Variants in SLC46A3 observed in about 807,000 individuals in gnomAD.
SLC46A3 encodes lysosomal proton-coupled steroid conjugate and bile acid symporter SLC46A3.
Under a neutral mutation model 38.5 loss-of-function variants are expected in SLC46A3, and 26 were observed. The observed-to-expected ratio is 0.68, with a 90% CI of 0.49 to 0.94. The LOEUF is 0.94. Among genes scored for constraint, SLC46A3 ranks in the 40% least tolerant of loss-of-function variants. The probability of loss-of-function intolerance (pLI) is 0.00; values close to 1 mark genes in which losing one functional copy is unlikely to be tolerated. For missense variants in SLC46A3, 510 were observed against 544.3 expected (o/e 0.94, Z 0.63); for synonymous variants, 185 against 192.5 (o/e 0.96, Z 0.32).
At position 28,713,206 on chromosome 13, in the gene SLC46A3, A is replaced by G; in HGVS notation, c.534T>C (p.Leu178=). 1 of 1,614,166 alleles carries G rather than the reference A, an allele frequency of 6.2e-7. No individual in the cohort carries two copies. Among genetic ancestry groups the G allele is most frequent in the East Asian group, 2.2e-5 (1 of 44,884 alleles). Residue 178 remains leucine (L), a synonymous_variant, in exon 3 of 6, where the codon CTT becomes CTC. Coordinates refer to ENST00000266943, the MANE Select transcript of SLC46A3 (RefSeq NM_181785.4). Reference sequence around the variant, plus strand: ...ATGACAGTCCTGTTAGTCCAGTAACAAGTCCAAGTAGAAAGTCAATGATAG... The same window carrying G: ...ATGACAGTCCTGTTAGTCCAGTAACGAGTCCAAGTAGAAAGTCAATGATAG... ...RIAIIDFLLG[L]VTGLTGLSSG...
chr13:28,712,730 G>A lies in SLC46A3; in HGVS notation c.1010C>T (p.Thr337Ile). The A allele has an allele frequency of 6.2e-7, 1 of 1,609,192 alleles. No individual in the cohort carries two copies. Among genetic ancestry groups the A allele is most frequent in the Non-Finnish European group, 8.5e-7 (1 of 1,178,876 alleles). ...GGCAAACGCGGTCATAGCCATTCCT[G>A]TCATCGTGGTAAAAATCCCAATGAA... ...MAFIGIFTTM[T>I]GMAMTAFAST... is the part of the protein sequence containing the mutation. Residue 337 changes from threonine (T) to isoleucine (I), a missense_variant, in exon 3 of 6, where the codon ACA becomes ATA. Coordinates refer to ENST00000266943, the MANE Select transcript of SLC46A3 (RefSeq NM_181785.4).
intron 2 of SLC46A3, among the ~76,000 whole-genome samples, chr13:28,715,454 C>G (rs1593191508): frequency 6.6e-6 from 1 of 152,244 alleles, no homozygotes; most frequent in East Asian, 1.9e-4. Flanking sequence ...GAGCAGCAGA[C>G]TTTCCCAGAC....
At position 28,716,608 on chromosome 13, in the gene SLC46A3, TTATGACCTTACTC is replaced by T. The variant is rs1885536407; in HGVS notation, c.189+1189_189+1201del. Among the ~76,000 whole-genome samples the T allele has an allele frequency of 4.6e-5, 7 of 152,252 alleles. 1 individual carries two copies. The South Asian group carries it at 1.5e-3, about 32-fold the overall frequency. ...GGGTGAGACTCAGGGCCCTTTTTTT[TTATGACCTTACTC>T]TACGCCAGAACCTTGATGTCTTCCA... On this transcript the variant is annotated intron_variant, in intron 2 of 5. Coordinates refer to ENST00000266943, the MANE Select transcript of SLC46A3 (RefSeq NM_181785.4).
intron 5 of SLC46A3, among the ~76,000 whole-genome samples, chr13:28,702,231 T>A (rs990341964): frequency 3.3e-5 from 5 of 152,146 alleles, no homozygotes; most frequent in African/African-American, 1.2e-4. Flanking sequence ...GCAGTCCTCC[T>A]GCCTCAACCT....
chr13:28,712,245 A>G (rs986926933), intron 3 of SLC46A3, among the ~76,000 whole-genome samples: 1 of 152,258 alleles, frequency 6.6e-6, no homozygotes, highest in Non-Finnish European at 1.5e-5. Flanking sequence ...ATCAATTTGC[A>G]AAACCTGTCT....
chr13:28,701,512 A>C lies in SLC46A3; in HGVS notation c.1371T>G (p.Asp457Glu). The C allele has an allele frequency of 6.2e-7, 1 of 1,613,344 alleles. No homozygotes were observed. Among genetic ancestry groups the C allele is most frequent in the East Asian group, 2.2e-5 (1 of 44,852 alleles). The change falls in exon 6 of 6, where the codon GAT becomes GAG. Residue 457 changes from aspartate to glutamate, a missense_variant. Coordinates refer to ENST00000266943, the MANE Select transcript of SLC46A3 (RefSeq NM_181785.4). ...ELLIQEESSEDASDR is the reference protein window; with the variant it reads ...ELLIQEESSEEASDR ...TAAATCACAGTCACCTGTCTGAAGCATCTTCACTGGATTCTTCTTGTATAA... is the reference window on the plus strand; with the variant it reads ...TAAATCACAGTCACCTGTCTGAAGCCTCTTCACTGGATTCTTCTTGTATAA...
chr13:28,704,189 T>G, intron 4 of SLC46A3, 90 bp from the exon 5 acceptor site: 1 of 1,221,774 alleles, frequency 8.2e-7, no homozygotes, highest in Non-Finnish European at 1.1e-6. Flanking sequence ...CTGTTACTCA[T>G]TGAAAACAGT....
rs1420223536 is a variant in SLC46A3, at chr13:28,712,704, T to C, written c.1036A>G (p.Ser346Gly). The C allele has an allele frequency of 1.2e-5, 20 of 1,600,320 alleles. No individual in the cohort carries two copies. The highest frequency in any genetic ancestry group is 2.7e-5 in the African/African-American group (2 of 73,800). ...MTGMAMTAFA[S>G]TTLMMFLARV... ...CCTAAAAACATCATCAGTGTTGTAC[T>C]GGCAAACGCGGTCATAGCCATTCCT... is the stretch of plus-strand genomic sequence containing the variant. The change falls in exon 3 of 6, where the codon AGT becomes GGT. Residue 346 changes from serine to glycine, a missense_variant. Transcript: ENST00000266943.
At position 28,701,361 on chromosome 13, in the gene SLC46A3, CTGTT is replaced by C. The variant is rs549851809; in HGVS notation, c.*132_*135del. 592 of 1,452,056 alleles carry C rather than the reference CTGTT, an allele frequency of 4.1e-4. 5 individuals are homozygous for C. The African/African-American group carries it at 7.8e-3, about 19-fold the overall frequency. 89.9% of individuals were successfully genotyped at this position (1,452,056 alleles called of 1,614,324 possible). A position where few individuals can be genotyped will look rare whatever the true frequency, so the allele number is the denominator to read the frequency against. ...CTAAAGCCAGGAGCTGTCTCTCTGA[CTGTT>C]CAGTTTAGAAGAAAAGATAGGTAAA... On this transcript the variant is annotated 3_prime_UTR_variant, in exon 6 of 6. Transcript: ENST00000266943.
In SLC46A3 at chr13:28,701,036, G is replaced by C; in HGVS notation, c.*461C>G. On this transcript the variant is annotated 3_prime_UTR_variant, in exon 6 of 6. Transcript: ENST00000266943. ...TATCATTATTTTCCTACCAATGAGTGATTCATCATAATTTTCATTATGCCT... is the reference window on the plus strand; with the variant it reads ...TATCATTATTTTCCTACCAATGAGTCATTCATCATAATTTTCATTATGCCT... 6.6e-7 allele frequency: 1 copy of C among 1,514,322 alleles called. No individual in the cohort carries two copies. The allele number at this position is 1,514,322 out of a possible 1,614,324, so 93.8% of individuals were successfully genotyped here. A position where few individuals can be genotyped will look rare whatever the true frequency, so the allele number is the denominator to read the frequency against.
chr13:28,717,741 T>A, intron 2 of SLC46A3, 69 bp downstream of exon 2: 1 of 1,467,900 alleles, frequency 6.8e-7, no homozygotes, highest in South Asian at 1.3e-5. Context: ...GAGTTCACGG[T>A]CCTCTTTAAC....
At position 28,700,617 on chromosome 13, in the gene SLC46A3, G is replaced by A. The variant is rs960737476; in HGVS notation, c.*880C>T. On this transcript the variant is annotated 3_prime_UTR_variant, in exon 6 of 6. Coordinates refer to ENST00000266943, the MANE Select transcript of SLC46A3 (RefSeq NM_181785.4). ...AGACTAGAGGCAGAATTCTCAGCCA[G>A]GGATCATGGAATGTGAATATCCTTT... The A allele has an allele frequency of 8.6e-6, 2 of 232,686 alleles. No individual in the cohort carries two copies. The highest frequency in any genetic ancestry group is 1.7e-5 in the Non-Finnish European group (2 of 119,840). 14.4% of individuals were successfully genotyped at this position (232,686 alleles called of 1,614,324 possible). A position where few individuals can be genotyped will look rare whatever the true frequency, so the allele number is the denominator to read the frequency against.
At position 28,701,210 on chromosome 13, in the gene SLC46A3, C is replaced by T. The variant is rs1255003931; in HGVS notation, c.*287G>A. 1.4e-6 allele frequency: 2 copies of T among 1,396,830 alleles called. No individual in the cohort carries two copies. The highest frequency in any genetic ancestry group is 1.8e-5 in the South Asian group (1 of 57,066). 86.5% of individuals were successfully genotyped at this position (1,396,830 alleles called of 1,614,324 possible). A position where few individuals can be genotyped will look rare whatever the true frequency, so the allele number is the denominator to read the frequency against. On this transcript the variant is annotated 3_prime_UTR_variant, in exon 6 of 6. Coordinates refer to ENST00000266943, the MANE Select transcript of SLC46A3 (RefSeq NM_181785.4). ...TATCAAGTTTCTTGATCCCTCCTTA[C>T]ACCCTTAAGTTTTAATGTTTCTCTT...
At chr13:28,702,852 A>G (rs952646697) in intron 5 of SLC46A3, among the ~76,000 whole-genome samples, 1 of 152,140 alleles carries the variant, frequency 6.6e-6, no homozygotes, top group African/African-American at 2.4e-5. Context: ...CCTAACTCAG[A>G]GCCTTACCCC....
At chr13:28,703,555 A>G (rs1245949140) in intron 5 of SLC46A3, 2 of 152,626 alleles carry the variant, frequency 1.3e-5, no homozygotes, top group African/African-American at 2.4e-5. Context: ...TTTTAATGAG[A>G]TGGGGGTCTT....
intron 3 of SLC46A3, among the ~76,000 whole-genome samples, chr13:28,711,247 A>G (rs1885332698): frequency 6.6e-6 from 1 of 152,068 alleles, no homozygotes; most frequent in Non-Finnish European, 1.5e-5. Context: ...CAACATGGAG[A>G]AATCCTGTCT....
intron 3 of SLC46A3, among the ~76,000 whole-genome samples, chr13:28,712,069 G>C (rs984838244): frequency 3.9e-5 from 6 of 152,140 alleles, no homozygotes; most frequent in Non-Finnish European, 5.9e-5. Context: ...GAGTAAATTG[G>C]ACCTTTCCCA....
chr13:28,715,222 G>A (rs1885493949), intron 2 of SLC46A3, among the ~76,000 whole-genome samples: 1 of 152,210 alleles, frequency 6.6e-6, no homozygotes, highest in Admixed American at 6.5e-5. Flanking sequence ...ATCTAGAGTA[G>A]TAGGTTCTCT....
At position 28,718,001 on chromosome 13, in the gene SLC46A3, T is replaced by C. The variant is rs1390536816; in HGVS notation, c.-3A>G. The C allele has an allele frequency of 9.3e-6, 15 of 1,611,712 alleles. No homozygotes were observed. Among genetic ancestry groups the C allele is most frequent in the Non-Finnish European group, 1.2e-5 (14 of 1,179,198 alleles). ...GGTTCTACAAATAAAATCTTCATAT[T>C]GCCTGGGTAGGTAGCTGTATTCTAT... On this transcript the variant is annotated 5_prime_UTR_variant, in exon 2 of 6. Transcript: ENST00000266943.
Sources: allele counts gnomAD v4.1 joint callset (sites outside exome capture counted in the v4.1 genomes callset), GRCh38; gene constraint gnomAD v4.1.1; transcripts MANE v1.5; gene names NCBI Gene and HGNC (gene_info 2026-07-23, HGNC 2026-07-21).